TRAK2: variants seen among roughly 807,000 people sequenced by gnomAD.
TRAK2 encodes trafficking kinesin protein 2, also known as trafficking kinesin-binding protein 2.
TRAK2 carries 81 observed loss-of-function variants against 104.6 expected under a neutral mutation model. The ratio of observed to expected loss-of-function variants is 0.77; its 90% confidence interval spans 0.65 to 0.93. The LOEUF (loss-of-function observed/expected upper bound fraction) is 0.93. Ranked by LOEUF, TRAK2 falls within the 40% of genes least tolerant of loss-of-function variation. The pLI is 0.00. For missense variants in TRAK2, 1,002 were observed against 1,089.0 expected (o/e 0.92, Z 1.12); for synonymous variants, 406 against 394.4 (o/e 1.03, Z -0.35).
At position 201,392,922 on chromosome 2, in the gene TRAK2, C is replaced by T. The variant is rs1951460490; in HGVS notation, c.1100G>A (p.Gly367Glu). 1.2e-6 allele frequency: 2 copies of T among 1,611,508 alleles called. No individual in the cohort carries two copies. The highest frequency in any genetic ancestry group is 1.7e-6 in the Non-Finnish European group (2 of 1,179,212). Residue 367 changes from glycine (G) to glutamate (E), a missense_variant, in exon 10 of 16, where the codon GGA (glycine) becomes GAA (glutamate). Physicochemically the swap from Gly to Glu is moderately conservative, Grantham distance 98 (BLOSUM62 -2). Transcript: ENST00000332624. ...TTAGTTGCTTACCCCAGTAAAAGCT[C>T]CATATGATTGGGAGAAGTAGAGATG... ...TAHLYFSQSY[G>E]AFTGESLAAE... is the part of the protein sequence containing the mutation.
chr2:201,388,013 T>C lies in TRAK2; in HGVS notation c.1398-12A>G, dbSNP rs774805512. 1 of 1,613,926 alleles carries C rather than the reference T, an allele frequency of 6.2e-7. No homozygotes were observed. The highest frequency in any genetic ancestry group is 8.5e-7 in the Non-Finnish European group (1 of 1,179,906). Reference sequence around the variant, plus strand: ...TCTTCTGGGAGCTCCTATAGGAAAATCGCGTTCACTGATTAGATCTTGAGG... The same window carrying C: ...TCTTCTGGGAGCTCCTATAGGAAAACCGCGTTCACTGATTAGATCTTGAGG... On this transcript the variant is annotated splice_polypyrimidine_tract_variant and intron_variant, in intron 12 of 15. Coordinates refer to ENST00000332624, the MANE Select transcript of TRAK2 (RefSeq NM_015049.3).
chr2:201,434,293 C>T (rs890817038), intron 1 of TRAK2, among the ~76,000 whole-genome samples: 13 of 152,130 alleles, frequency 8.5e-5, no homozygotes, highest in African/African-American at 2.9e-4. Flanking sequence ...ATATCTAAAT[C>T]GGTGTTTCTC....
intron 4 of TRAK2, 83 bp from the exon 5 acceptor site, chr2:201,399,576 A>G: frequency 1.0e-6 from 1 of 998,618 alleles, no homozygotes; most frequent in Non-Finnish European, 1.6e-6. Context: ...CAGTTTTGGT[A>G]AAATCAAAAG....
Position 201,389,399 on chromosome 2 carries a change from G to T in TRAK2, c.1298C>A (p.Ser433Ter). 4 of 1,614,162 alleles carry T rather than the reference G, an allele frequency of 2.5e-6. No individual in the cohort carries two copies. Among genetic ancestry groups the T allele is most frequent in the Non-Finnish European group, 3.4e-6 (4 of 1,180,026 alleles). Residue 433 changes from serine (S) to a stop codon, truncating the protein, a stop_gained, in exon 12 of 16, where the codon TCA becomes TAA. Transcript: ENST00000332624. LOFTEE classifies it high-confidence loss of function. ...AGGTTTTGCTGTCATGATGACACTT[G>T]AACGGTTGGAGCCTGGAATGGGTAA... ...ALLPIPGSNRSSVIMTAKPFE... is the reference protein window; with the variant it reads ...ALLPIPGSNR
intron 1 of TRAK2, among the ~76,000 whole-genome samples, chr2:201,432,387 C>T (rs574277562): frequency 6.6e-5 from 10 of 152,266 alleles, no homozygotes; most frequent in South Asian, 2.1e-4. Context: ...CTTTCTTTGC[C>T]GGATCTTTAT....
chr2:201,394,617 A>G (rs1200275391), intron 9 of TRAK2, among the ~76,000 whole-genome samples, 181 bp downstream of exon 9: 3 of 152,204 alleles, frequency 2.0e-5, no homozygotes, highest in African/African-American at 7.2e-5. Context: ...CTGGGATTAC[A>G]GGCGTGAGCC....
At chr2:201,408,646 T>A (rs1951617757) in intron 2 of TRAK2, among the ~76,000 whole-genome samples, 1 of 152,240 alleles carries the variant, frequency 6.6e-6, no homozygotes, top group Non-Finnish European at 1.5e-5. Flanking sequence ...TTTTTAAAAG[T>A]ATTTTTAATT....
chr2:201,441,766 A>T (rs1480106252), intron 1 of TRAK2, among the ~76,000 whole-genome samples: 1 of 147,882 alleles, frequency 6.8e-6, no homozygotes, highest in Admixed American at 6.9e-5. Context: ...ATCTCAGCTC[A>T]CTGCAACCTC....
intron 9 of TRAK2, among the ~76,000 whole-genome samples, chr2:201,393,872 C>T (rs1253957125): frequency 6.6e-6 from 1 of 152,154 alleles, no homozygotes; most frequent in Admixed American, 6.5e-5. Context: ...CTCAGCCTCT[C>T]AAATAGCGGG....
intron 8 of TRAK2, 200 bp from the exon 9 acceptor site, chr2:201,395,072 A>G (rs888237374): frequency 1.8e-5 from 11 of 611,402 alleles, no homozygotes; most frequent in Non-Finnish European, 3.1e-5. Flanking sequence ...GGCATGAGTC[A>G]ATAATTTACA....
intron 14 of TRAK2, 148 bp from the exon 15 acceptor site, chr2:201,384,364 T>A: frequency 1.5e-6 from 1 of 654,188 alleles, no homozygotes; most frequent in Non-Finnish European, 2.6e-6. Flanking sequence ...TAAATATACA[T>A]AAAGATTGTA....
chr2:201,409,620 C>T (rs750010914), intron 2 of TRAK2, among the ~76,000 whole-genome samples: 1 of 152,162 alleles, frequency 6.6e-6, no homozygotes, highest in Non-Finnish European at 1.5e-5. Context: ...GGTTAGCCAA[C>T]GAAATGTAGG....
rs78947892 is a variant in TRAK2 at position 201,424,311 on chromosome 2, A to G, written c.-199-3605T>C. On this transcript the variant is annotated intron_variant, in intron 1 of 15. Coordinates refer to ENST00000332624, the MANE Select transcript of TRAK2 (RefSeq NM_015049.3). ...TGCTATGTAAGTCTTTATGTCACAT[A>G]TAATTTTTATCAAGGTCTTTTAAAT... is the stretch of plus-strand genomic sequence containing the variant. Among the ~76,000 whole-genome samples, 653 of 152,334 alleles carry G rather than the reference A, an allele frequency of 4.3e-3. 6 individuals are homozygous for G. The highest frequency in any genetic ancestry group is 0.015 in the African/African-American group (623 of 41,582).
At chr2:201,395,918 G>C (rs925722124) in intron 7 of TRAK2, among the ~76,000 whole-genome samples, 1 of 152,148 alleles carries the variant, frequency 6.6e-6, no homozygotes. Flanking sequence ...ATCTATAACA[G>C]AATGTGATAA....
chr2:201,408,384 C>T (rs1012649411), intron 2 of TRAK2, among the ~76,000 whole-genome samples: 6 of 151,900 alleles, frequency 3.9e-5, no homozygotes, highest in Non-Finnish European at 7.4e-5. Flanking sequence ...TAGGTAAACT[C>T]ATGTCACGGG....
At chr2:201,402,943 A>C (rs1951561878) in intron 3 of TRAK2, among the ~76,000 whole-genome samples, 2 of 152,206 alleles carry the variant, frequency 1.3e-5, no homozygotes, top group African/African-American at 2.4e-5. Context: ...CACCCAAAGC[A>C]AAAATCAGGC....
chr2:201,397,111 C>T (rs997680007), intron 7 of TRAK2, among the ~76,000 whole-genome samples: 2 of 152,162 alleles, frequency 1.3e-5, no homozygotes, highest in African/African-American at 2.4e-5. Flanking sequence ...ACTTTATACT[C>T]ATTGATTGTT....
chr2:201,409,678 T>C (rs1951627242), intron 2 of TRAK2, among the ~76,000 whole-genome samples: 1 of 152,244 alleles, frequency 6.6e-6, no homozygotes, highest in Admixed American at 6.5e-5. Context: ...TACTAAACAT[T>C]AGTTCATCTG....
chr2:201,391,422 C>G (rs1289604269), intron 10 of TRAK2, among the ~76,000 whole-genome samples: 2 of 152,128 alleles, frequency 1.3e-5, no homozygotes, highest in African/African-American at 4.8e-5. Flanking sequence ...TTGAAAATCA[C>G]CATTTGGCAG....
Sources: gnomAD v4.1 joint callset for allele counts (sites outside exome capture counted in the v4.1 genomes callset) on GRCh38, gnomAD v4.1.1 for gene constraint, MANE v1.5 for transcripts, NCBI Gene and HGNC (gene_info 2026-07-23, HGNC 2026-07-21) for gene names.